The following FAM120B variants were observed in gnomAD, a reference collection of about 807,000 sequenced individuals.
FAM120B encodes the protein family with sequence similarity 120 member B, also known as constitutive coactivator of peroxisome proliferator-activated receptor gamma.
Under a neutral mutation model 96.3 loss-of-function variants are expected in FAM120B, and 83 were observed. That is an observed-to-expected ratio of 0.86 (90% CI 0.72 to 1.03). FAM120B has a LOEUF of 1.03. Among genes scored for constraint, FAM120B ranks in the 50% least tolerant of loss-of-function variants. The probability of loss-of-function intolerance (pLI) is 0.00; values close to 1 mark genes in which losing one functional copy is unlikely to be tolerated. For missense variants in FAM120B, 1,027 were observed against 1,121.2 expected, an observed-to-expected ratio of 0.92 and a Z score of 1.20; for synonymous variants, 407 against 402.7, an observed-to-expected ratio of 1.01 and a Z score of -0.13.
At position 170,390,931 on chromosome 6, in the gene FAM120B, C is replaced by G. The variant is rs1320190668; in HGVS notation, c.2491-82C>G. The G allele has an allele frequency of 1.9e-5, 22 of 1,146,308 alleles. No individual in the cohort carries two copies. In the South Asian group the frequency reaches 2.7e-4, roughly 14 times the overall value. The allele number at this position is 1,146,308 out of a possible 1,614,324, so 71.0% of individuals were successfully genotyped here. ...TGGGAACAGTGTGGAAGGGTGTCCC[C>G]TAAGCTTCCTTCCAGCCACATCTGG... On this transcript the variant is annotated intron_variant, in intron 7 of 10. Coordinates refer to ENST00000476287, the MANE Select transcript of FAM120B (RefSeq NM_032448.3).
intron 4 of FAM120B, among the ~76,000 whole-genome samples, chr6:170,347,116 T>C (rs1017160958): frequency 6.6e-6 from 1 of 152,172 alleles, no homozygotes; most frequent in African/African-American, 2.4e-5. Context: ...AGTGCTATCG[T>C]GGGAAACATA....
chr6:170,307,086 C>T (rs1784334508), intron 1 of FAM120B, among the ~76,000 whole-genome samples: 1 of 152,238 alleles, frequency 6.6e-6, no homozygotes, highest in Admixed American at 6.5e-5. Flanking sequence ...GAGCCCTGGT[C>T]CGCGTCATTG....
At position 170,372,064 on chromosome 6, in the gene FAM120B, G is replaced by A. The variant is rs1408246754; in HGVS notation, c.2283+13746G>A. Among the ~76,000 whole-genome samples, 5 of 152,172 alleles carry A rather than the reference G, an allele frequency of 3.3e-5. No individual in the cohort carries two copies. The East Asian group carries it at 7.7e-4, about 23-fold the overall frequency. On this transcript the variant is annotated intron_variant, in intron 6 of 10. Transcript: ENST00000476287. Reference sequence around the variant, plus strand: ...TTATTTTTAAAGAGTTTATCCTACTGATATGAGTAAAATAAAATTTTCGTT... The same window carrying A: ...TTATTTTTAAAGAGTTTATCCTACTAATATGAGTAAAATAAAATTTTCGTT...
At chr6:170,315,408 A>G (rs1385875391) in intron 1 of FAM120B, among the ~76,000 whole-genome samples, 1 of 152,192 alleles carries the variant, frequency 6.6e-6, no homozygotes, top group Admixed American at 6.5e-5. Context: ...TAACAAATGA[A>G]AAAGAATACC....
upstream of FAM120B, among the ~76,000 whole-genome samples, chr6:170,305,739 G>A (rs1390531854): frequency 6.6e-6 from 1 of 152,192 alleles, no homozygotes; most frequent in Admixed American, 6.5e-5. Context: ...ACTCACACGT[G>A]CCTGCCAAAA....
At chr6:170,377,106 G>A (rs1299158384) in intron 6 of FAM120B, among the ~76,000 whole-genome samples, 1 of 127,372 alleles carries the variant, frequency 7.9e-6, no homozygotes, top group African/African-American at 3.1e-5. Flanking sequence ...GTGCACACGC[G>A]TCCCTAATCC....
chr6:170,291,843 C>T (rs1038229475), upstream of FAM120B, among the ~76,000 whole-genome samples: 1 of 152,184 alleles, frequency 6.6e-6, no homozygotes, highest in African/African-American at 2.4e-5. Context: ...CAACTCCCCC[C>T]ACAGACACGC....
At chr6:170,355,140 C>G (rs1312301731) in intron 5 of FAM120B, among the ~76,000 whole-genome samples, 1 of 151,936 alleles carries the variant, frequency 6.6e-6, no homozygotes, top group Admixed American at 6.5e-5. Context: ...ATTAGTTCAA[C>G]AATTGTGGAA....
At chr6:170,294,389 G>C (rs1273567854), upstream of FAM120B, among the ~76,000 whole-genome samples, 2 of 152,108 alleles carry the variant, frequency 1.3e-5, no homozygotes, top group African/African-American at 4.8e-5. The surrounding 1 kb of genome is among the most constrained non-coding windows in gnomAD (Gnocchi z 7.9). Context: ...TTTTTGTTTT[G>C]TTTTGTTTTC....
chr6:170,398,248 G>C (rs903587128), intron 9 of FAM120B, among the ~76,000 whole-genome samples: 3 of 152,268 alleles, frequency 2.0e-5, no homozygotes, highest in African/African-American at 7.2e-5. Flanking sequence ...CTGGAATTCT[G>C]TGACTTTCTA....
At chr6:170,326,016 C>T (rs566705351) in intron 3 of FAM120B, among the ~76,000 whole-genome samples, 1 of 152,124 alleles carries the variant, frequency 6.6e-6, no homozygotes, top group Non-Finnish European at 1.5e-5. Context: ...TATTTTCATT[C>T]TCCCCAACAT....
chr6:170,395,054 C>T (rs927838818), intron 8 of FAM120B, among the ~76,000 whole-genome samples: 6 of 152,160 alleles, frequency 3.9e-5, no homozygotes, highest in African/African-American at 1.2e-4. Flanking sequence ...TTTTAAAGCA[C>T]GAAAAGTGTG....
upstream of FAM120B, among the ~76,000 whole-genome samples, chr6:170,294,825 T>C (rs1783959972): frequency 6.6e-6 from 1 of 152,072 alleles, no homozygotes; most frequent in Non-Finnish European, 1.5e-5. This position sits in a 1 kb window ranked among gnomAD's most constrained non-coding sequence, Gnocchi z 7.9. Flanking sequence ...TTGAGTGGGG[T>C]TTGTGTTTTC....
intron 6 of FAM120B, among the ~76,000 whole-genome samples, chr6:170,377,175 A>T (rs137912232): frequency 1.3e-4 from 11 of 82,078 alleles, no homozygotes; most frequent in East Asian, 2.0e-3. Flanking sequence ...GCGTCCCTAA[A>T]CCCAGATGCC....
At chr6:170,376,920 G>A (rs964546618) in intron 6 of FAM120B, among the ~76,000 whole-genome samples, 3 of 150,788 alleles carry the variant, frequency 2.0e-5, no homozygotes, top group South Asian at 2.1e-4. Context: ...CTTTGCACAC[G>A]CGTCCCTAAA....
rs542130150 is a variant in FAM120B at position 170,386,636 on chromosome 6, G to T, written c.2284-1651G>T. On this transcript the variant is annotated intron_variant, in intron 6 of 10. Transcript: ENST00000476287. ...AACTCTGCCCACAAGGAAACCTCAG[G>T]ATCAGAGGGCTTCCCTGTGAGTTTT... is the stretch of plus-strand genomic sequence containing the variant. Among the ~76,000 whole-genome samples, 16 of 152,316 alleles carry T rather than the reference G, an allele frequency of 1.1e-4. No individual in the cohort carries two copies. In the South Asian group the frequency reaches 2.7e-3, roughly 26 times the overall value.
At chr6:170,359,334 T>C (rs1017397577) in intron 6 of FAM120B, among the ~76,000 whole-genome samples, 20 of 151,242 alleles carry the variant, frequency 1.3e-4, no homozygotes, top group African/African-American at 4.6e-4. Context: ...CAGAGGTTGA[T>C]GTGAGCTGAG....
chr6:170,397,972 A>G (rs1778274571), intron 9 of FAM120B, among the ~76,000 whole-genome samples: 1 of 103,106 alleles, frequency 9.7e-6, no homozygotes, highest in Non-Finnish European at 2.3e-5. Context: ...CCTTCTGCTT[A>G]CCCTCTTTGG....
intron 2 of FAM120B, among the ~76,000 whole-genome samples, chr6:170,322,076 T>C (rs1028678064): frequency 2.0e-5 from 3 of 152,178 alleles, no homozygotes; most frequent in Non-Finnish European, 4.4e-5. Context: ...ATTCAGGCTA[T>C]GATAGCCCTT....
Sources: allele counts gnomAD v4.1 joint callset (sites outside exome capture counted in the v4.1 genomes callset), GRCh38; gene constraint gnomAD v4.1.1; non-coding constraint Gnocchi (gnomAD v3.1); transcripts MANE v1.5; gene names NCBI Gene and HGNC (gene_info 2026-07-23, HGNC 2026-07-21).